The following SV2C variants were observed in gnomAD, a reference collection of about 807,000 sequenced individuals.
SV2C encodes the protein solute carrier family 22 member B3.
Under a neutral mutation model 79.7 loss-of-function variants are expected in SV2C, and 49 were observed. The observed-to-expected ratio is 0.61, with a 90% CI of 0.49 to 0.78. The LOEUF (loss-of-function observed/expected upper bound fraction) is 0.78. Among genes scored for constraint, SV2C ranks in the 30% least tolerant of loss-of-function variants. The pLI, the probability that SV2C is intolerant of heterozygous loss-of-function variation, is 0.00. For synonymous variants in SV2C, 334 were observed against 333.2 expected, an observed-to-expected ratio of 1.00 and a Z score of -0.03; for missense variants, 833 against 912.9, an observed-to-expected ratio of 0.91 and a Z score of 1.13.
At chr5:76,253,330 C>T (rs778631354) in intron 4 of SV2C, among the ~76,000 whole-genome samples, 6 of 151,972 alleles carry the variant, frequency 3.9e-5, no homozygotes, top group Non-Finnish European at 8.8e-5. Flanking sequence ...CTCACTCTGT[C>T]GCCCAGGCTG....
At chr5:76,209,939 C>A (rs1468941977) in intron 4 of SV2C, 52 bp downstream of exon 4, 1 of 1,550,356 alleles carries the variant, frequency 6.5e-7, no homozygotes, top group East Asian at 2.4e-5. Flanking sequence ...TTGCTTCAGG[C>A]TCCATTCCCA....
the SV2C span, among the ~76,000 whole-genome samples, chr5:75,945,900 T>C: frequency 2.0e-5 from 3 of 151,932 alleles, no homozygotes; most frequent in South Asian, 6.2e-4. Context: ...AAACAAAACA[T>C]ATCAAAATTT....
chr5:76,295,316 TGA>T (rs1280201310), intron 8 of SV2C, among the ~76,000 whole-genome samples: 1 of 152,068 alleles, frequency 6.6e-6, no homozygotes, highest in Non-Finnish European at 1.5e-5. Context: ...AGGGAAAAAG[TGA>T]GAGAGGCAGC....
chr5:75,853,278 C>T, the SV2C span, among the ~76,000 whole-genome samples: 16 of 152,120 alleles, frequency 1.1e-4, no homozygotes, highest in African/African-American at 3.1e-4. Flanking sequence ...AAAAATTGGC[C>T]GGGCGCGGTG....
chr5:75,878,265 T>G, the SV2C span, among the ~76,000 whole-genome samples: 3 of 152,174 alleles, frequency 2.0e-5, no homozygotes, highest in Non-Finnish European at 1.5e-5. Flanking sequence ...TATTTAGTAT[T>G]TTATATGAAA....
rs561076913 is a variant in SV2C, at chr5:76,203,717, G to A, written c.762-6019G>A. ...TTTCCCCACAAATTATATACTTAAA[G>A]ATCAATATTTTTTAAATAACCAAAT... On this transcript the variant is annotated intron_variant, in intron 3 of 12. Transcript: ENST00000502798. 1.5e-3 allele frequency among the ~76,000 whole-genome samples: 225 copies of A among 152,118 alleles called. 1 individual carries two copies. Among genetic ancestry groups the A allele is most frequent in the African/African-American group, 5.0e-3 (207 of 41,476 alleles).
At chr5:75,927,521 C>G in the SV2C span, among the ~76,000 whole-genome samples, 2 of 151,944 alleles carry the variant, frequency 1.3e-5, no homozygotes, top group East Asian at 3.9e-4. Context: ...AATTATTTTT[C>G]AATGGGTATG....
At chr5:75,927,173 G>C in the SV2C span, among the ~76,000 whole-genome samples, 2 of 151,988 alleles carry the variant, frequency 1.3e-5, no homozygotes, top group Non-Finnish European at 2.9e-5. Context: ...AAGGGGCTAT[G>C]GTTTAAATGT....
chr5:75,956,611 A>G, the SV2C span, among the ~76,000 whole-genome samples: 3 of 151,998 alleles, frequency 2.0e-5, no homozygotes, highest in Non-Finnish European at 4.4e-5. Context: ...TTGAAAATTA[A>G]GACCAGAATC....
chr5:76,342,271 C>T (rs116391607), intron 12 of SV2C, among the ~76,000 whole-genome samples: 2,637 of 152,308 alleles, frequency 0.017, 67 homozygotes, highest in African/African-American at 0.06. Context: ...CTTTGCCATT[C>T]ATCTTGTCAG....
At chr5:76,303,298 A>G (rs1748072728) in intron 12 of SV2C, among the ~76,000 whole-genome samples, 2 of 152,238 alleles carry the variant, frequency 1.3e-5, no homozygotes, top group Non-Finnish European at 2.9e-5. Flanking sequence ...GGCCAAAAGC[A>G]AGATTAAGAC....
At chr5:76,009,156 CA>C in the SV2C span, among the ~76,000 whole-genome samples, 3 of 151,964 alleles carry the variant, frequency 2.0e-5, no homozygotes, top group Non-Finnish European at 4.4e-5. Flanking sequence ...TAAACACATA[CA>C]AAAAAATGTT....
chr5:76,298,125 C>T (rs1278182241), intron 9 of SV2C, among the ~76,000 whole-genome samples: 1 of 152,182 alleles, frequency 6.6e-6, no homozygotes, highest in Non-Finnish European at 1.5e-5. Flanking sequence ...CATCATTCTT[C>T]ATGTTTCCAA....
At position 76,171,594 on chromosome 5, in the gene SV2C, G is replaced by T. The variant is rs1347779749; in HGVS notation, c.581-23325G>T. ...AGCGTCTCCGCCGGGCAGCCACCCCGTCCAGGAGAGAGGTGGGGGGGGGGT... is the reference window on the plus strand; with the variant it reads ...AGCGTCTCCGCCGGGCAGCCACCCCTTCCAGGAGAGAGGTGGGGGGGGGGT... On this transcript the variant is annotated intron_variant, in intron 2 of 12. Transcript: ENST00000502798. Among the ~76,000 whole-genome samples, 14 of 144,524 alleles carry T rather than the reference G, an allele frequency of 9.7e-5. 2 individuals carry two copies. Among genetic ancestry groups the T allele is most frequent in the Non-Finnish European group, 2.2e-4 (14 of 64,158 alleles). 94.8% of individuals were successfully genotyped at this position (144,524 alleles called of 152,430 possible).
intron 2 of SV2C, among the ~76,000 whole-genome samples, chr5:76,134,548 G>T (rs1350717648): frequency 1.3e-5 from 2 of 152,138 alleles, no homozygotes; most frequent in Non-Finnish European, 2.9e-5. Context: ...TTTCTCATTT[G>T]CTACTAAGCA....
At chr5:75,904,715 C>T in the SV2C span, among the ~76,000 whole-genome samples, 146 of 152,354 alleles carry the variant, frequency 9.6e-4, no homozygotes, top group Non-Finnish European at 1.6e-3. Context: ...TCCCATCTGT[C>T]ATCCTAACTC....
chr5:76,124,854 A>G (rs1414895868), intron 1 of SV2C, among the ~76,000 whole-genome samples: 1 of 152,212 alleles, frequency 6.6e-6, no homozygotes, highest in African/African-American at 2.4e-5. Context: ...TAAAATAAGC[A>G]TGCTTTGGTT....
chr5:75,885,572 G>A, the SV2C span, among the ~76,000 whole-genome samples: 3,717 of 152,204 alleles, frequency 0.024, 147 homozygotes, highest in African/African-American at 0.085. Flanking sequence ...ACTATGCTAT[G>A]AGTAATAACA....
the SV2C span, among the ~76,000 whole-genome samples, chr5:75,933,470 C>A: frequency 6.6e-6 from 1 of 152,190 alleles, no homozygotes; most frequent in African/African-American, 2.4e-5. Context: ...AATGAAAGGA[C>A]TGAATTTCTC....
Sources: gnomAD v4.1 joint callset for allele counts (sites outside exome capture counted in the v4.1 genomes callset) on GRCh38, gnomAD v4.1.1 for gene constraint, MANE v1.5 for transcripts, NCBI Gene and HGNC (gene_info 2026-07-23, HGNC 2026-07-21) for gene names.